Variants in CTNND1 observed in about 807,000 individuals in gnomAD.
The protein encoded by CTNND1 is catenin delta 1.
CTNND1 carries 16 observed loss-of-function variants against 112.1 expected under a neutral mutation model. That is an observed-to-expected ratio of 0.14 (90% CI 0.10 to 0.22). The LOEUF (loss-of-function observed/expected upper bound fraction) is 0.22, where lower values mean the gene tolerates loss of function less well. CTNND1 is among the 10% of genes least tolerant of loss of function. The pLI is 1.00. For missense variants in CTNND1, 1,008 were observed against 1,257.0 expected, an observed-to-expected ratio of 0.80 and a Z score of 3.00; for synonymous variants, 420 against 446.5, an observed-to-expected ratio of 0.94 and a Z score of 0.75.
intron 19 of CTNND1, 24 bp downstream of exon 19, chr11:57,815,524 A>G (rs764497555): frequency 7.8e-6 from 12 of 1,529,184 alleles, no homozygotes; most frequent in East Asian, 4.5e-5. Context: ...ATATACTGCT[A>G]TCTGTCTAAG....
intron 9 of CTNND1, among the ~76,000 whole-genome samples, chr11:57,805,306 C>T (rs758790463): frequency 1.3e-5 from 2 of 151,958 alleles, no homozygotes; most frequent in African/African-American, 4.8e-5. Flanking sequence ...AGTACAGTCC[C>T]GTGATCTCGG....
chr11:57,813,415 A>T (rs780841272), intron 17 of CTNND1, among the ~76,000 whole-genome samples: 1 of 152,238 alleles, frequency 6.6e-6, no homozygotes, highest in African/African-American at 2.4e-5. Context: ...GTGTAATGCT[A>T]TGTGTTAGCA....
chr11:57,803,756 G>A lies in CTNND1; in HGVS notation c.1556G>A (p.Arg519His), dbSNP rs758420026. 7 of 1,612,312 alleles carry A rather than the reference G, an allele frequency of 4.3e-6. No individual in the cohort carries two copies. Among genetic ancestry groups the A allele is most frequent in the African/African-American group, 2.7e-5 (2 of 74,724 alleles). The part of the protein sequence containing the change: ...EREPNEDCKP[R>H]HIEWESVLTN... ...GAACCTAATGAAGACTGTAAGCCAC[G>A]CCACATTGAGTGGGAATCGGTGCTC... is the stretch of plus-strand genomic sequence containing the variant. The change falls in exon 8 of 21, where the codon CGC (arginine) becomes CAC (histidine). Residue 519 changes from arginine (R) to histidine (H), a missense_variant. Physicochemically the swap from Arg to His is conservative, Grantham distance 29. Transcript: ENST00000399050.
intron 15 of CTNND1, 32 bp from the exon 16 acceptor site, chr11:57,810,077 C>T: frequency 6.5e-7 from 1 of 1,533,250 alleles, no homozygotes; most frequent in Non-Finnish European, 8.9e-7. Flanking sequence ...ATTTTATATC[C>T]AAATTCCGTA....
rs375357435 is a variant in CTNND1 at position 57,796,844 on chromosome 11, G to A, written c.808G>A (p.Val270Met). Residue 270 changes from valine (V) to methionine (M), a missense_variant, in exon 6 of 21, where the codon GTG becomes ATG. Transcript: ENST00000399050. ...QPQVRVGGSS[V>M]DLHRFHPEPY... ...CCAGGTTCGGGTAGGTGGGAGCAGC[G>A]TGGATCTGCATCGCTTTCATCCAGA... 1.1e-5 allele frequency: 17 copies of A among 1,611,894 alleles called. No individual in the cohort carries two copies. Among genetic ancestry groups the A allele is most frequent in the Non-Finnish European group, 1.4e-5 (17 of 1,178,630 alleles).
intron 1 of CTNND1, among the ~76,000 whole-genome samples, chr11:57,783,799 T>C (rs2059852518): frequency 6.6e-6 from 1 of 152,218 alleles, no homozygotes; most frequent in Admixed American, 6.5e-5. Flanking sequence ...ATAAATGCCT[T>C]TTAGGTATCT....
intron 10 of CTNND1, 81 bp downstream of exon 10, chr11:57,806,116 T>C: frequency 6.7e-7 from 1 of 1,488,242 alleles, no homozygotes. Flanking sequence ...TACAAAATAC[T>C]TGGCAACAGT....
chr11:57,797,058 T>A, intron 6 of CTNND1, 66 bp downstream of exon 6: 1 of 1,357,496 alleles, frequency 7.4e-7, no homozygotes, highest in Non-Finnish European at 9.6e-7. Context: ...AGCTTTTCCT[T>A]CAACTTCTAG....
intron 5 of CTNND1, among the ~76,000 whole-genome samples, chr11:57,796,019 G>A (rs1311258434): frequency 6.6e-6 from 1 of 152,118 alleles, no homozygotes; most frequent in Admixed American, 6.6e-5. Context: ...AAGATAGATG[G>A]TAGGCTTTAA....
intron 7 of CTNND1, 107 bp from the exon 8 acceptor site, chr11:57,803,514 T>A (rs760452358): frequency 3.9e-6 from 3 of 777,090 alleles, no homozygotes; most frequent in African/African-American, 3.5e-5. Flanking sequence ...AGGTATTTGG[T>A]CACTGGGGAA....
chr11:57,796,419 CTTAA>C, intron 5 of CTNND1, 34 bp from the exon 6 acceptor site: 1 of 1,530,408 alleles, frequency 6.5e-7, no homozygotes, highest in Non-Finnish European at 8.8e-7. Context: ...TGCTCACTTC[CTTAA>C]TTAGTTTTTC....
rs754470095 is a variant in CTNND1, at chr11:57,794,096, C to G, written c.267+15C>G. ...ACGGACCCCAGGTAATTCTTTGGCT[C>G]AAGACCTGGGTTGCTTCATTCATAT... On this transcript the variant is annotated intron_variant, in intron 4 of 20. Coordinates refer to ENST00000399050, the MANE Select transcript of CTNND1 (RefSeq NM_001085458.2). The G allele has an allele frequency of 7.4e-6, 12 of 1,611,962 alleles. No homozygotes were observed. The highest frequency in any genetic ancestry group is 8.5e-7 in the Non-Finnish European group (1 of 1,178,114).
Position 57,808,502 on chromosome 11 carries a change from G to C in CTNND1, c.2204G>C (p.Arg735Thr). 1.2e-6 allele frequency: 2 copies of C among 1,610,476 alleles called. No homozygotes were observed. Among genetic ancestry groups the C allele is most frequent in the Non-Finnish European group, 1.7e-6 (2 of 1,178,820 alleles). ...GTGAAAGCTGCATCTGGAGCACTGA[G>C]AAACCTGGCTGTGGATGCTCGCAAC... ...RVVKAASGAL[R>T]NLAVDARNKE... Residue 735 changes from arginine to threonine, a missense_variant, in exon 14 of 21, where the codon AGA (arginine) becomes ACA (threonine). Physicochemically the swap from Arg to Thr is moderately conservative, Grantham distance 71. Transcript: ENST00000399050.
At chr11:57,815,785 G>A in intron 19 of CTNND1, 130 bp from the exon 20 acceptor site, 2 of 809,040 alleles carry the variant, frequency 2.5e-6, no homozygotes, top group South Asian at 3.0e-5. Context: ...GTTTATGAAT[G>A]TTTTGCCCTT....
At chr11:57,767,927 G>A (rs982991500) in intron 1 of CTNND1, among the ~76,000 whole-genome samples, 2 of 150,878 alleles carry the variant, frequency 1.3e-5, no homozygotes, top group South Asian at 2.1e-4. Context: ...TCTGCCTCCC[G>A]GGTTCAAGCA....
intron 6 of CTNND1, among the ~76,000 whole-genome samples, chr11:57,797,194 A>AAT (rs986330052): frequency 1.4e-5 from 2 of 147,764 alleles, no homozygotes; most frequent in African/African-American, 4.9e-5. Flanking sequence ...ATATAATATA[A>AAT]ATATATATAT....
intron 1 of CTNND1, among the ~76,000 whole-genome samples, chr11:57,782,855 G>A (rs572755966): frequency 6.6e-6 from 1 of 152,340 alleles, no homozygotes; most frequent in African/African-American, 2.4e-5. Flanking sequence ...TGTGACTTGA[G>A]TAGTGCTCAG....
In CTNND1 at chr11:57,796,654, C is replaced by G. The variant is rs2061391124; in HGVS notation, c.618C>G (p.Phe206Leu). The change falls in exon 6 of 21, where the codon TTC (phenylalanine) becomes TTG (leucine). Residue 206 changes from phenylalanine to leucine, a missense_variant. This residue lies in a region of CTNND1 where 404 missense variants were observed against 457.9 expected (regional missense o/e 0.88). Transcript: ENST00000399050. The stretch of plus-strand genomic sequence containing the variant: ...GCACTGCTACCCTTCCTAGGAACTT[C>G]CACTACCCTCCTGATGGTTATAGTC... ...QAGTATLPRN[F>L]HYPPDGYSRH... is the part of the protein sequence containing the mutation. The G allele has an allele frequency of 6.2e-7, 1 of 1,614,028 alleles. No homozygotes were observed. Among genetic ancestry groups the G allele is most frequent in the African/African-American group, 1.3e-5 (1 of 75,062 alleles).
At chr11:57,799,989 T>G (rs1287603251) in intron 6 of CTNND1, among the ~76,000 whole-genome samples, 2 of 143,258 alleles carry the variant, frequency 1.4e-5, no homozygotes, top group South Asian at 2.3e-4. Context: ...GTTTTTTTTT[T>G]TTTTTTTTTT....
Sources: allele counts gnomAD v4.1 joint callset (sites outside exome capture counted in the v4.1 genomes callset), GRCh38; gene constraint gnomAD v4.1.1; regional missense constraint gnomAD v4.1.1; transcripts MANE v1.5; gene names NCBI Gene and HGNC (gene_info 2026-07-23, HGNC 2026-07-21).